CDH12: variants seen among roughly 807,000 people sequenced by gnomAD.
The protein encoded by CDH12 is cadherin 12, also known as cadherin-12.
In CDH12, 41 loss-of-function variants were observed where a neutral mutation model predicts 74.1. The ratio of observed to expected loss-of-function variants is 0.55; its 90% CI spans 0.43 to 0.72. CDH12 has a LOEUF of 0.72. Among genes scored for constraint, CDH12 ranks in the 30% least tolerant of loss-of-function variants. CDH12 has a pLI of 0.00. For synonymous variants in CDH12, 399 were observed against 355.0 expected (o/e 1.12, Z -1.39); for missense variants, 945 against 977.2 (o/e 0.97, Z 0.44).
intron 1 of CDH12, among the ~76,000 whole-genome samples, chr5:22,594,443 T>C (rs73062220): frequency 0.043 from 6,536 of 152,106 alleles, 452 homozygotes; most frequent in African/African-American, 0.14. Context: ...TGGGAATTAG[T>C]TCCTACAGTG....
chr5:22,062,103 T>G (rs1207321005), intron 5 of CDH12, among the ~76,000 whole-genome samples: 1 of 152,120 alleles, frequency 6.6e-6, no homozygotes, highest in Non-Finnish European at 1.5e-5. Context: ...GTGTTCTTCG[T>G]TACTTTTGAA....
chr5:22,679,330 C>G (rs1376298851), intron 1 of CDH12, among the ~76,000 whole-genome samples: 2 of 152,102 alleles, frequency 1.3e-5, no homozygotes, highest in Non-Finnish European at 2.9e-5. Context: ...AGGAATGTCA[C>G]AGACAATAAA....
chr5:22,619,990 C>T (rs746566964), intron 1 of CDH12, among the ~76,000 whole-genome samples: 9 of 151,904 alleles, frequency 5.9e-5, no homozygotes, highest in Non-Finnish European at 8.8e-5. Flanking sequence ...ATATTGAATG[C>T]CTTTAAGTAG....
At chr5:22,484,320 G>A (rs917836171) in intron 2 of CDH12, among the ~76,000 whole-genome samples, 1 of 152,182 alleles carries the variant, frequency 6.6e-6, no homozygotes, top group Non-Finnish European at 1.5e-5. Flanking sequence ...GCAGATGCAT[G>A]ATGTGAGGTT....
At chr5:22,692,918 G>A (rs1157784264) in intron 1 of CDH12, among the ~76,000 whole-genome samples, 1 of 151,548 alleles carries the variant, frequency 6.6e-6, no homozygotes, top group Non-Finnish European at 1.5e-5. Flanking sequence ...TTTCACAACA[G>A]ATTTTCTATT....
intron 3 of CDH12, among the ~76,000 whole-genome samples, chr5:22,377,486 T>C (rs1361115995): frequency 6.6e-6 from 1 of 152,164 alleles, no homozygotes. Context: ...CTCATTTGCA[T>C]CCGGCTTGAG....
intron 3 of CDH12, among the ~76,000 whole-genome samples, chr5:22,368,153 A>G (rs753146368): frequency 5.9e-5 from 9 of 152,136 alleles, no homozygotes; most frequent in Non-Finnish European, 1.2e-4. Flanking sequence ...ATCAGCAGTT[A>G]TTATTTAAAC....
intron 4 of CDH12, among the ~76,000 whole-genome samples, chr5:22,134,746 T>C (rs1431373297): frequency 6.8e-6 from 1 of 146,404 alleles, no homozygotes. Context: ...CCTAAAGCTA[T>C]GGATGCTTTA....
chr5:22,516,096 C>T lies in CDH12; in HGVS notation c.-522-10732G>A, dbSNP rs1736796138. 2.0e-5 allele frequency among the ~76,000 whole-genome samples: 3 copies of T among 152,072 alleles called. No individual in the cohort carries two copies. In the South Asian group the frequency reaches 6.2e-4, roughly 32 times the overall value. ...AAACTGATTAGTAAAGAAAGCAATG[C>T]ACTATGTCGTAAAACTAAGGACATA... is the stretch of plus-strand genomic sequence containing the variant. On this transcript the variant is annotated intron_variant, in intron 1 of 14. Transcript: ENST00000382254.
At chr5:22,160,634 G>A (rs1748287727) in intron 4 of CDH12, among the ~76,000 whole-genome samples, 1 of 152,196 alleles carries the variant, frequency 6.6e-6, no homozygotes, top group Non-Finnish European at 1.5e-5. Flanking sequence ...GCTAGTTTAA[G>A]ATCAGGGTGC....
chr5:21,752,821 GAGGA>G (rs989771506), intron 14 of CDH12, among the ~76,000 whole-genome samples: 21 of 151,968 alleles, frequency 1.4e-4, no homozygotes, highest in African/African-American at 4.1e-4. Context: ...GTAGAGGAAG[GAGGA>G]AGGAAGGAAG....
At chr5:21,975,028 T>C in intron 6 of CDH12, 63 bp downstream of exon 6, 2 of 983,148 alleles carry the variant, frequency 2.0e-6, no homozygotes, top group Non-Finnish European at 3.0e-6. Context: ...TACATCAACC[T>C]GCAAAAAGTC....
chr5:22,504,565 G>T (rs554197388), intron 2 of CDH12, among the ~76,000 whole-genome samples: 57 of 152,076 alleles, frequency 3.7e-4, no homozygotes, highest in Middle Eastern at 3.4e-3. Context: ...AGAATATAAA[G>T]CTTGTTTTGA....
intron 1 of CDH12, among the ~76,000 whole-genome samples, chr5:22,665,988 A>G (rs1740592705): frequency 6.6e-6 from 1 of 152,150 alleles, no homozygotes; most frequent in African/African-American, 2.4e-5. Context: ...CCTCCAGCCC[A>G]GACGCTTTCT....
intron 3 of CDH12, among the ~76,000 whole-genome samples, chr5:22,274,680 CTATGTGAATATATA>C (rs1402910826): frequency 6.6e-6 from 1 of 151,868 alleles, no homozygotes; most frequent in Non-Finnish European, 1.5e-5. Flanking sequence ...ACACAAAAAT[CTATGTGAATATATA>C]TGATGAACTA....
chr5:22,457,997 C>T (rs1447493698), intron 2 of CDH12, among the ~76,000 whole-genome samples: 1 of 152,078 alleles, frequency 6.6e-6, no homozygotes, highest in Non-Finnish European at 1.5e-5. Context: ...CCCGCCTCGG[C>T]CTCCCAAAGT....
chr5:22,519,113 G>T (rs1280260906), intron 1 of CDH12, among the ~76,000 whole-genome samples: 1 of 152,120 alleles, frequency 6.6e-6, no homozygotes, highest in Non-Finnish European at 1.5e-5. Flanking sequence ...TGTCAGACCA[G>T]ATTGGGGTGC....
intron 3 of CDH12, among the ~76,000 whole-genome samples, chr5:22,277,179 C>G (rs1323437569): frequency 6.6e-6 from 1 of 152,198 alleles, no homozygotes; most frequent in Non-Finnish European, 1.5e-5. Flanking sequence ...TGCTTCCCAA[C>G]CACAGCCATC....
chr5:21,916,316 T>C (rs1012193369), intron 6 of CDH12, among the ~76,000 whole-genome samples: 6 of 152,300 alleles, frequency 3.9e-5, no homozygotes, highest in Middle Eastern at 3.4e-3. Context: ...GTAAGTTTCA[T>C]GTTTATTGAA....
Sources: allele counts gnomAD v4.1 joint callset (sites outside exome capture counted in the v4.1 genomes callset), GRCh38; gene constraint gnomAD v4.1.1; transcripts MANE v1.5; gene names NCBI Gene and HGNC (gene_info 2026-07-23, HGNC 2026-07-21).